Variants in SRGAP3 observed in about 807,000 individuals in gnomAD.
The protein encoded by SRGAP3 is SLIT-ROBO Rho GTPase-activating protein 3.
SRGAP3 carries 39 observed loss-of-function variants against 121.1 expected under a neutral mutation model. The observed-to-expected ratio is 0.32, with a 90% confidence interval of 0.25 to 0.42. SRGAP3 has a LOEUF of 0.42. Ranked by LOEUF, SRGAP3 falls within the 10% of genes least tolerant of loss-of-function variation. The pLI, the probability that SRGAP3 is intolerant of heterozygous loss-of-function variation, is 1.00. For synonymous variants in SRGAP3, 601 were observed against 570.0 expected, an observed-to-expected ratio of 1.05 and a Z score of -0.77; for missense variants, 1,213 against 1,470.6, an observed-to-expected ratio of 0.82 and a Z score of 2.86.
chr3:9,282,439 T>G (rs1215883610), intron 3 of SRGAP3, among the ~76,000 whole-genome samples: 1 of 152,224 alleles, frequency 6.6e-6, no homozygotes. Flanking sequence ...GAGAGCTTTA[T>G]TCTCATTTCT....
chr3:9,060,724 C>T (rs1410388101), intron 5 of SRGAP3, among the ~76,000 whole-genome samples: 1 of 146,688 alleles, frequency 6.8e-6, no homozygotes, highest in African/African-American at 2.5e-5. Flanking sequence ...TAGGCGTGAG[C>T]CACCATGCCC....
At chr3:9,137,738 A>G (rs1949716386) in intron 1 of SRGAP3, among the ~76,000 whole-genome samples, 1 of 152,228 alleles carries the variant, frequency 6.6e-6, no homozygotes, top group Non-Finnish European at 1.5e-5. Context: ...GGCAGCAGAA[A>G]GCAGAATGGG....
At chr3:9,224,391 C>T (rs889995926) in intron 1 of SRGAP3, among the ~76,000 whole-genome samples, 3 of 152,166 alleles carry the variant, frequency 2.0e-5, no homozygotes, top group African/African-American at 4.8e-5. Context: ...GGGAACACCA[C>T]GCACCCCTCC....
chr3:9,292,407 C>T (rs904434422), intron 3 of SRGAP3, among the ~76,000 whole-genome samples: 7 of 152,256 alleles, frequency 4.6e-5, no homozygotes, highest in African/African-American at 1.7e-4. Context: ...CTTTTCTGCC[C>T]TCCATGAAGC....
intron 4 of SRGAP3, among the ~76,000 whole-genome samples, chr3:9,066,646 C>A (rs1231647427): frequency 6.6e-6 from 1 of 152,098 alleles, no homozygotes; most frequent in Non-Finnish European, 1.5e-5. Flanking sequence ...ATTACAGGCA[C>A]CCGCCACAAT....
chr3:8,983,769 T>C lies in SRGAP3; in HGVS notation c.*1750A>G, dbSNP rs1574842106. ...CTTGCTCACTGATGTTTGACCTTTA[T>C]TACCCTATTTTATGGAGCAGAACAG... is the stretch of plus-strand genomic sequence containing the variant. On this transcript the variant is annotated 3_prime_UTR_variant, in exon 22 of 22. Coordinates refer to ENST00000383836, the MANE Select transcript of SRGAP3 (RefSeq NM_014850.4). 1.3e-5 allele frequency: 3 copies of C among 230,288 alleles called. No individual in the cohort carries two copies. In the South Asian group the frequency reaches 5.5e-4, roughly 42 times the overall value. 14.3% of individuals were successfully genotyped at this position (230,288 alleles called of 1,614,324 possible).
intron 1 of SRGAP3, among the ~76,000 whole-genome samples, chr3:9,137,589 T>A (rs867791680): frequency 6.6e-6 from 1 of 152,166 alleles, no homozygotes; most frequent in African/African-American, 2.4e-5. Context: ...GGAATTAGCA[T>A]TGGATATACA....
chr3:9,299,233 T>C (rs1213850636), intron 3 of SRGAP3, among the ~76,000 whole-genome samples: 1 of 150,748 alleles, frequency 6.6e-6, no homozygotes, highest in Non-Finnish European at 1.5e-5. Flanking sequence ...TGCTGGTGCA[T>C]GCCTGTAGTC....
chr3:9,075,696 TAAG>T (rs1206831971), intron 4 of SRGAP3, among the ~76,000 whole-genome samples: 1 of 152,060 alleles, frequency 6.6e-6, no homozygotes, highest in Non-Finnish European at 1.5e-5. Flanking sequence ...TACAGAACTT[TAAG>T]AAGAAAAAAA....
chr3:9,248,541 G>A (rs1408054514), intron 1 of SRGAP3, among the ~76,000 whole-genome samples: 3 of 152,156 alleles, frequency 2.0e-5, no homozygotes, highest in African/African-American at 4.8e-5. Context: ...GCAGGGAAGG[G>A]GTGGAGGTAG....
Position 9,186,675 on chromosome 3 carries a change from G to A in SRGAP3, c.68-61758C>T, listed in dbSNP as rs964907417. On this transcript the variant is annotated intron_variant, in intron 1 of 21. Transcript: ENST00000383836. ...AACCAGCTTGAGCAGGTCAACTCCC[G>A]CCCTCCCCAAACCCTGCCATGTACG... Among the ~76,000 whole-genome samples the A allele has an allele frequency of 7.5e-4, 114 of 151,664 alleles. 1 individual carries two copies. Among genetic ancestry groups the A allele is most frequent in the African/African-American group, 2.6e-3 (107 of 41,394 alleles).
chr3:9,034,818 C>CA (rs1944669352), intron 11 of SRGAP3: 1 of 152,070 alleles, frequency 6.6e-6, no homozygotes, highest in Admixed American at 6.6e-5. Flanking sequence ...AAGAGAGTGT[C>CA]AAAAATGTGA....
intron 8 of SRGAP3, among the ~76,000 whole-genome samples, chr3:9,055,709 A>C (rs1337924405): frequency 2.6e-5 from 4 of 152,248 alleles, no homozygotes; most frequent in Non-Finnish European, 5.9e-5. Flanking sequence ...TGCAGAAAAT[A>C]GAAGAAAGCA....
intron 1 of SRGAP3, among the ~76,000 whole-genome samples, chr3:9,131,038 G>A: frequency 1.3e-5 from 2 of 152,234 alleles, no homozygotes; most frequent in East Asian, 1.9e-4. Flanking sequence ...TCTGCAGCCT[G>A]CCCTGATCTG....
chr3:9,315,946 T>C (rs1251333043), intron 3 of SRGAP3, among the ~76,000 whole-genome samples: 1 of 152,256 alleles, frequency 6.6e-6, no homozygotes, highest in Non-Finnish European at 1.5e-5. Flanking sequence ...AAAGGCTGAA[T>C]TCCTCTTTGG....
chr3:9,039,904 A>C (rs1944939195), intron 10 of SRGAP3, among the ~76,000 whole-genome samples: 1 of 152,162 alleles, frequency 6.6e-6, no homozygotes, highest in Non-Finnish European at 1.5e-5. Context: ...CTTTTATCTC[A>C]AACCTTAAAT....
intron 17 of SRGAP3, among the ~76,000 whole-genome samples, chr3:9,012,143 T>C (rs575828140): frequency 2.6e-5 from 4 of 152,206 alleles, no homozygotes; most frequent in African/African-American, 4.8e-5. Flanking sequence ...TGACCCAGTA[T>C]TTCTATGCAG....
At chr3:9,029,533 C>G (rs545185424) in intron 12 of SRGAP3, among the ~76,000 whole-genome samples, 9 of 152,254 alleles carry the variant, frequency 5.9e-5, no homozygotes, top group African/African-American at 2.2e-4. Context: ...TCCCTCTAGA[C>G]CACCATAATT....
At position 9,238,700 on chromosome 3, in the gene SRGAP3, C is replaced by T. The variant is rs560052855; in HGVS notation, c.67+10185G>A. 4.6e-5 allele frequency among the ~76,000 whole-genome samples: 7 copies of T among 152,278 alleles called. No homozygotes were observed. The South Asian group carries it at 1.5e-3, about 32-fold the overall frequency. ...AGAGTGGAGAGAAGCCGGATCCCTT[C>T]CCCAGGCAGAGCCCTAGGGAGGCAC... is the stretch of plus-strand genomic sequence containing the variant. On this transcript the variant is annotated intron_variant, in intron 1 of 21. Coordinates refer to ENST00000383836, the MANE Select transcript of SRGAP3 (RefSeq NM_014850.4).
Sources: gnomAD v4.1 joint callset for allele counts (sites outside exome capture counted in the v4.1 genomes callset) on GRCh38, gnomAD v4.1.1 for gene constraint, MANE v1.5 for transcripts, NCBI Gene and HGNC (gene_info 2026-07-23, HGNC 2026-07-21) for gene names.